The following PRKCZ variants were observed in gnomAD, a reference collection of about 807,000 sequenced individuals.
PRKCZ encodes protein kinase C zeta.
Under a neutral mutation model 79.5 loss-of-function variants are expected in PRKCZ, and 33 were observed. The ratio of observed to expected loss-of-function variants is 0.41; its 90% CI spans 0.31 to 0.55. The LOEUF is 0.55. Among genes scored for constraint, PRKCZ ranks in the 20% least tolerant of loss-of-function variants. PRKCZ has a pLI of 0.19. For synonymous variants in PRKCZ, 342 were observed against 320.9 expected (o/e 1.07, Z -0.70); for missense variants, 578 against 813.5 (o/e 0.71, Z 3.52).
chr1:2,146,587 T>G (rs1189325439), intron 7 of PRKCZ, among the ~76,000 whole-genome samples: 1 of 152,184 alleles, frequency 6.6e-6, no homozygotes, highest in Non-Finnish European at 1.5e-5. Context: ...GGGAAGGACT[T>G]GTTTTATTGC....
chr1:2,081,864 ACT>A (rs1663598566), intron 4 of PRKCZ, among the ~76,000 whole-genome samples: 1 of 148,486 alleles, frequency 6.7e-6, no homozygotes, highest in Non-Finnish European at 1.5e-5. Flanking sequence ...TCTGTGCTGC[ACT>A]GACTTCCTCA....
chr1:2,055,462 G>A lies in PRKCZ; in HGVS notation c.93G>A (p.Val31=). 1 of 1,613,652 alleles carries A rather than the reference G, an allele frequency of 6.2e-7. No individual in the cohort carries two copies. The highest frequency in any genetic ancestry group is 2.2e-5 in the East Asian group (1 of 44,848). Residue 31 remains valine, a synonymous_variant, in exon 2 of 18, where the codon GTG becomes GTA. Transcript: ENST00000378567. ...CCAGGGACATCTTCATCACCAGCGT[G>A]GACGCCGCCACGACCTTCGAGGAGC... The part of the protein sequence containing the change: ...HYGGDIFITS[V]DAATTFEELC...
chr1:2,105,141 A>G (rs1370249531), intron 4 of PRKCZ, among the ~76,000 whole-genome samples: 2 of 152,160 alleles, frequency 1.3e-5, no homozygotes, highest in African/African-American at 2.4e-5. Flanking sequence ...CTTTGAAGGC[A>G]TAAGTCACTG....
rs1660388539 is a variant in PRKCZ, at chr1:2,058,480, A to G, written c.284-1061A>G. 2.0e-5 allele frequency among the ~76,000 whole-genome samples: 3 copies of G among 152,142 alleles called. No homozygotes were observed. In the South Asian group the frequency reaches 6.2e-4, roughly 31 times the overall value. On this transcript the variant is annotated intron_variant, in intron 3 of 17. Coordinates refer to ENST00000378567, the MANE Select transcript of PRKCZ (RefSeq NM_002744.6). ...GTGATGGGGCGAAACCCTGTGTCAG[A>G]TAAATAAATTCATAGATGTGCCTAA...
rs1205588415 is a variant in PRKCZ, at chr1:2,082,336, C to G, written c.334+22745C>G. 2.2e-6 allele frequency: 1 copy of G among 455,062 alleles called. No homozygotes were observed. Among genetic ancestry groups the G allele is most frequent in the Non-Finnish European group, 4.4e-6 (1 of 226,386 alleles). The allele number at this position is 455,062 out of a possible 1,614,324, so 28.2% of individuals were successfully genotyped here. A position where few individuals can be genotyped will look rare whatever the true frequency, so the allele number is the denominator to read the frequency against. On this transcript the variant is annotated intron_variant, in intron 4 of 17. Transcript: ENST00000378567. This position sits in a 1 kb window ranked among gnomAD's most constrained non-coding sequence, Gnocchi z 4.4. ...GCTGTTCAAGATGGACTTGGCAAATCACCTCTTTCAAGTTGCCGGCTACCC... is the reference window on the plus strand; with the variant it reads ...GCTGTTCAAGATGGACTTGGCAAATGACCTCTTTCAAGTTGCCGGCTACCC...
At chr1:2,104,698 C>T (rs1421333858) in intron 4 of PRKCZ, 2 of 985,766 alleles carry the variant, frequency 2.0e-6, no homozygotes, top group Non-Finnish European at 2.4e-6. Context: ...GCTGGGCCTG[C>T]CCTGGCGAGG....
In PRKCZ at chr1:2,168,622, G is replaced by A. The variant is rs964612907; in HGVS notation, c.975-896G>A. ...TGGGAGCTTGTGGAGGGCAGGAGCA[G>A]GGACAGGTGCCTTGAGGCGTAACAG... On this transcript the variant is annotated intron_variant, in intron 10 of 17. Transcript: ENST00000378567. This position sits in a 1 kb window ranked among gnomAD's most constrained non-coding sequence, Gnocchi z 4.7. 6.6e-6 allele frequency among the ~76,000 whole-genome samples: 1 copy of A among 152,200 alleles called. No individual in the cohort carries two copies. The highest frequency in any genetic ancestry group is 2.4e-5 in the African/African-American group (1 of 41,446).
chr1:2,161,642 CA>C (rs1427407904), intron 10 of PRKCZ, among the ~76,000 whole-genome samples: 3 of 152,184 alleles, frequency 2.0e-5, no homozygotes, highest in East Asian at 1.9e-4. Flanking sequence ...TAGAACAGGT[CA>C]GGGGGCAGGT....
chr1:2,124,219 CGTCACGGTGGTGGTTAGG>C (rs1468793434), intron 4 of PRKCZ, among the ~76,000 whole-genome samples: 1 of 2,388 alleles, frequency 4.2e-4, no homozygotes, highest in Non-Finnish European at 6.2e-4. Flanking sequence ...CTGTAGTTAG[CGTCACGGTGGTGGTTAGG>C]GTCACGGTGG....
chr1:2,065,406 C>T (rs1030726836), intron 4 of PRKCZ, among the ~76,000 whole-genome samples: 4 of 152,206 alleles, frequency 2.6e-5, no homozygotes, highest in South Asian at 2.1e-4. Context: ...CGGCCGGGCG[C>T]GGTGGCTCAC....
chr1:2,136,628 T>G (rs1325373786), intron 5 of PRKCZ, among the ~76,000 whole-genome samples: 2 of 151,684 alleles, frequency 1.3e-5, no homozygotes, highest in African/African-American at 4.8e-5. Flanking sequence ...GGCAGGTGGG[T>G]GTGGGTGAAC....
chr1:2,073,884 A>T lies in PRKCZ; in HGVS notation c.334+14293A>T, dbSNP rs767395843. 178 of 1,180,732 alleles carry T rather than the reference A, an allele frequency of 1.5e-4. 1 individual carries two copies. The highest frequency in any genetic ancestry group is 1.3e-3 in the South Asian group (60 of 44,690). The allele number at this position is 1,180,732 out of a possible 1,614,324, so 73.1% of individuals were successfully genotyped here. A position where few individuals can be genotyped will look rare whatever the true frequency, so the allele number is the denominator to read the frequency against. On this transcript the variant is annotated intron_variant, in intron 4 of 17. Coordinates refer to ENST00000378567, the MANE Select transcript of PRKCZ (RefSeq NM_002744.6). ...ATGCCTCCCTGCACGCCCGCCGCGC[A>T]CAGAGCATAAAGAATCTGCGCTGAG... is the stretch of plus-strand genomic sequence containing the variant.
chr1:2,061,768 C>T (rs1446505495), intron 4 of PRKCZ, among the ~76,000 whole-genome samples: 2 of 152,162 alleles, frequency 1.3e-5, no homozygotes, highest in East Asian at 1.9e-4. Flanking sequence ...ACTGCCCACT[C>T]GGGGTCCCAG....
rs549709294 is a variant in PRKCZ, at chr1:2,108,780, G to A, written c.335-26482G>A. On this transcript the variant is annotated intron_variant, in intron 4 of 17. Transcript: ENST00000378567. Reference sequence around the variant, plus strand: ...GGAGGTGGATGAACTTCCTGCGGCCGCTGTAACAGTGGCCGCCACTGGGGG... The same window carrying A: ...GGAGGTGGATGAACTTCCTGCGGCCACTGTAACAGTGGCCGCCACTGGGGG... Among the ~76,000 whole-genome samples the A allele has an allele frequency of 2.0e-3, 302 of 152,330 alleles. 3 individuals are homozygous for A. The highest frequency in any genetic ancestry group is 6.8e-3 in the African/African-American group (283 of 41,566).
chr1:2,145,991 C>T (rs375896877), intron 6 of PRKCZ, 36 bp from the exon 7 acceptor site: 13 of 1,553,432 alleles, frequency 8.4e-6, no homozygotes, highest in Non-Finnish European at 8.0e-6. Context: ...TGCTCTAGCA[C>T]TTGGTCATGC....
rs1476307845 is a variant in PRKCZ, at chr1:2,178,970, A to T, written c.1575+3657A>T. Among the ~76,000 whole-genome samples the T allele has an allele frequency of 1.3e-5, 2 of 151,936 alleles. No individual in the cohort carries two copies. Among genetic ancestry groups the T allele is most frequent in the Non-Finnish European group, 2.9e-5 (2 of 67,968 alleles). On this transcript the variant is annotated intron_variant, in intron 16 of 17. Transcript: ENST00000378567. The surrounding 1 kb of genome is among the most constrained non-coding windows in gnomAD (Gnocchi z 4.3). ...GCCTATCCCCAGCTGAACCAGCACC[A>T]CTCAGGCAGTCGCCGCCACTGGGGT...
chr1:2,102,221 C>T (rs996262695), intron 4 of PRKCZ, among the ~76,000 whole-genome samples: 2 of 152,170 alleles, frequency 1.3e-5, no homozygotes, highest in East Asian at 3.8e-4. Context: ...GCCCTGTGTC[C>T]TGCCCAGGAT....
At chr1:2,084,794 C>A (rs1248767108) in intron 4 of PRKCZ, among the ~76,000 whole-genome samples, 1 of 152,132 alleles carries the variant, frequency 6.6e-6, no homozygotes, top group African/African-American at 2.4e-5. Flanking sequence ...CGCCTGAGCT[C>A]AGGAGTTTTC....
At chr1:2,182,288 C>G (rs1394354993) in intron 16 of PRKCZ, 1 of 172,256 alleles carries the variant, frequency 5.8e-6, no homozygotes, top group East Asian at 1.8e-4. Context: ...TGAGGCCCAG[C>G]CCCTCCTGCC....
Sources: allele counts gnomAD v4.1 joint callset (sites outside exome capture counted in the v4.1 genomes callset), GRCh38; gene constraint gnomAD v4.1.1; non-coding constraint Gnocchi (gnomAD v3.1); transcripts MANE v1.5; gene names NCBI Gene and HGNC (gene_info 2026-07-23, HGNC 2026-07-21).